STIMATE: variants seen among roughly 807,000 people sequenced by gnomAD.
STIMATE encodes the protein STIM activating enhancer.
STIMATE carries 15 observed loss-of-function variants against 36.7 expected under a neutral mutation model. The observed-to-expected ratio is 0.41, with a 90% CI of 0.27 to 0.63. The LOEUF (loss-of-function observed/expected upper bound fraction) is 0.63. Ranked by LOEUF, STIMATE falls within the 20% of genes least tolerant of loss-of-function variation. The probability of loss-of-function intolerance (pLI) is 0.32; values close to 1 mark genes in which losing one functional copy is unlikely to be tolerated. For missense variants in STIMATE, 305 were observed against 397.3 expected, an observed-to-expected ratio of 0.77 and a Z score of 1.98; for synonymous variants, 163 against 162.3, an observed-to-expected ratio of 1.00 and a Z score of -0.03.
In STIMATE at chr3:52,852,617, C is replaced by A. The variant is rs1051830616; in HGVS notation, c.291G>T (p.Glu97Asp). ...ANVYLADLTE[E>D]DPCSLYLINF... ...GGAACACTTACAGTGAACAAGGGTCCTCTTCAGTGAGATCTGCTAGGTATA... is the reference window on the plus strand; with the variant it reads ...GGAACACTTACAGTGAACAAGGGTCATCTTCAGTGAGATCTGCTAGGTATA... The change falls in exon 3 of 8, where the codon GAG becomes GAT. Residue 97 changes from glutamate to aspartate, a missense_variant. Glu to Asp is a conservative substitution (Grantham distance 45, BLOSUM62 2). This residue lies in a region of STIMATE where 164 missense variants were observed against 257.9 expected (regional missense o/e 0.64). Coordinates refer to ENST00000355083, the MANE Select transcript of STIMATE (RefSeq NM_198563.5). 1 of 1,614,132 alleles carries A rather than the reference C, an allele frequency of 6.2e-7. No individual in the cohort carries two copies. The highest frequency in any genetic ancestry group is 1.7e-5 in the Admixed American group (1 of 60,004).
intron 1 of STIMATE, among the ~76,000 whole-genome samples, chr3:52,889,876 G>A (rs1247219057): frequency 6.6e-6 from 1 of 152,120 alleles, no homozygotes; most frequent in South Asian, 2.1e-4. Flanking sequence ...ATAATTTAAC[G>A]CATCCTCTTT....
chr3:52,886,279 T>C (rs1701685663), intron 1 of STIMATE, among the ~76,000 whole-genome samples: 2 of 152,022 alleles, frequency 1.3e-5, no homozygotes, highest in African/African-American at 4.8e-5. Flanking sequence ...AAGCAGCACA[T>C]GTGTATGCTG....
intron 3 of STIMATE, among the ~76,000 whole-genome samples, chr3:52,851,590 C>T (rs1410012989): frequency 6.6e-6 from 1 of 152,224 alleles, no homozygotes; most frequent in Non-Finnish European, 1.5e-5. Context: ...ACTCTTAGAC[C>T]AGAGATGGCA....
chr3:52,860,018 C>T (rs1342398029), intron 1 of STIMATE, among the ~76,000 whole-genome samples: 2 of 150,872 alleles, frequency 1.3e-5, no homozygotes, highest in Non-Finnish European at 2.9e-5. Flanking sequence ...CCTTCCTCTC[C>T]ACCTCCTATC....
intron 5 of STIMATE, among the ~76,000 whole-genome samples, chr3:52,844,584 G>C (rs56214994): frequency 0.52 from 79,077 of 152,148 alleles, 21,740 homozygotes; most frequent in East Asian, 0.62. Flanking sequence ...GCAAGCCGAG[G>C]GCAGGGACTG....
At chr3:52,859,745 G>T (rs936875586) in intron 1 of STIMATE, among the ~76,000 whole-genome samples, 1 of 151,376 alleles carries the variant, frequency 6.6e-6, no homozygotes, top group African/African-American at 2.4e-5. Flanking sequence ...ATGGATCAAG[G>T]AATTCACATT....
intron 1 of STIMATE, among the ~76,000 whole-genome samples, chr3:52,865,276 C>G (rs1447021083): frequency 6.6e-6 from 1 of 152,168 alleles, no homozygotes; most frequent in Non-Finnish European, 1.5e-5. Context: ...GAGTTCCAAA[C>G]TTTCCCACAT....
chr3:52,880,593 C>T (rs538377707), intron 1 of STIMATE, among the ~76,000 whole-genome samples: 34 of 152,216 alleles, frequency 2.2e-4, no homozygotes, highest in African/African-American at 6.7e-4. Flanking sequence ...CTTCCTTTCC[C>T]GTAGCATTGG....
chr3:52,879,396 G>A (rs1701565332), intron 1 of STIMATE, among the ~76,000 whole-genome samples: 1 of 152,168 alleles, frequency 6.6e-6, no homozygotes, highest in South Asian at 2.1e-4. Flanking sequence ...CCGGCAGTGG[G>A]AATCCCTTCC....
chr3:52,888,293 G>A (rs1024036278), intron 1 of STIMATE, among the ~76,000 whole-genome samples: 1 of 152,138 alleles, frequency 6.6e-6, no homozygotes, highest in Non-Finnish European at 1.5e-5. Context: ...AGGGTAGCCA[G>A]GTCAGTAACA....
At chr3:52,875,216 G>C (rs1287236140) in intron 1 of STIMATE, among the ~76,000 whole-genome samples, 1 of 152,174 alleles carries the variant, frequency 6.6e-6, no homozygotes, top group East Asian at 1.9e-4. Flanking sequence ...TTAACAAATA[G>C]TTCTAATTTG....
At chr3:52,843,294 G>A (rs951723225) in intron 6 of STIMATE, 17 of 397,450 alleles carry the variant, frequency 4.3e-5, no homozygotes, top group African/African-American at 1.4e-4. Flanking sequence ...GTGGGTGGCC[G>A]GCACACCCTG....
Position 52,890,573 on chromosome 3 carries a change from T to G in STIMATE, c.160+6718A>C, listed in dbSNP as rs184877401. Among the ~76,000 whole-genome samples, 9 of 152,302 alleles carry G rather than the reference T, an allele frequency of 5.9e-5. No homozygotes were observed. In the East Asian group the frequency reaches 1.5e-3, roughly 26 times the overall value. On this transcript the variant is annotated intron_variant, in intron 1 of 7. Transcript: ENST00000355083. ...AGGAGAGCCTCCCACAAGAAAGAAT[T>G]ATCTCATCCAAAGTACCAACAGTGC...
At chr3:52,890,068 T>G (rs561766422) in intron 1 of STIMATE, among the ~76,000 whole-genome samples, 10 of 152,196 alleles carry the variant, frequency 6.6e-5, no homozygotes, top group African/African-American at 2.4e-4. Flanking sequence ...GGTGCTCAGG[T>G]GGAGCTTCCT....
At chr3:52,845,048 T>G in intron 4 of STIMATE, 107 bp from the exon 5 acceptor site, 1 of 1,138,814 alleles carries the variant, frequency 8.8e-7, no homozygotes, top group East Asian at 2.6e-5. Flanking sequence ...GCTCTAAAGC[T>G]CTAAAGGTAC....
chr3:52,878,299 T>C (rs1340547779), intron 1 of STIMATE, among the ~76,000 whole-genome samples: 1 of 148,116 alleles, frequency 6.8e-6, no homozygotes, highest in Non-Finnish European at 1.5e-5. Flanking sequence ...TTCCCTGGTC[T>C]AGGAACCCTA....
chr3:52,863,675 G>A (rs1458897701), intron 1 of STIMATE, among the ~76,000 whole-genome samples: 3 of 152,266 alleles, frequency 2.0e-5, no homozygotes, highest in South Asian at 2.1e-4. Context: ...GACAAGGCAA[G>A]TTGCTTCCAC....
chr3:52,846,175 G>A (rs918303513), intron 4 of STIMATE, among the ~76,000 whole-genome samples: 3 of 152,198 alleles, frequency 2.0e-5, no homozygotes, highest in Non-Finnish European at 4.4e-5. Flanking sequence ...GGAAAACCCT[G>A]GGAGAAGTGT....
At chr3:52,873,263 C>T (rs1701439756) in intron 1 of STIMATE, among the ~76,000 whole-genome samples, 1 of 152,230 alleles carries the variant, frequency 6.6e-6, no homozygotes, top group Non-Finnish European at 1.5e-5. Flanking sequence ...GGCATTATCA[C>T]TGTATGTGTG....
Sources: allele counts gnomAD v4.1 joint callset (sites outside exome capture counted in the v4.1 genomes callset), GRCh38; gene constraint gnomAD v4.1.1; regional missense constraint gnomAD v4.1.1; transcripts MANE v1.5; gene names NCBI Gene and HGNC (gene_info 2026-07-23, HGNC 2026-07-21).